CNTLN: variants seen among roughly 807,000 people sequenced by gnomAD.
CNTLN encodes the protein centlein, centrosomal protein.
Under a neutral mutation model 180.0 loss-of-function variants are expected in CNTLN, and 212 were observed. The observed-to-expected ratio is 1.18, with a 90% confidence interval of 1.05 to 1.32. The LOEUF (loss-of-function observed/expected upper bound fraction) is 1.32, where lower values mean the gene tolerates loss of function less well. Among genes scored for constraint, CNTLN ranks in the 40% most tolerant of loss-of-function variants. The pLI, the probability that CNTLN is intolerant of heterozygous loss-of-function variation, is 0.00. For synonymous variants in CNTLN, 722 were observed against 563.1 expected (o/e 1.28, Z -3.99); for missense variants, 2,095 against 1,610.9 (o/e 1.30, Z -5.14).
intron 5 of CNTLN, among the ~76,000 whole-genome samples, chr9:17,257,412 T>A (rs2132326551): frequency 6.6e-6 from 1 of 152,120 alleles, no homozygotes; most frequent in Admixed American, 6.6e-5. Flanking sequence ...GTCTTTGCTA[T>A]TGTGAATAAT....
At chr9:17,303,172 A>G (rs1357903723) in intron 7 of CNTLN, among the ~76,000 whole-genome samples, 1 of 152,190 alleles carries the variant, frequency 6.6e-6, no homozygotes, top group Non-Finnish European at 1.5e-5. Flanking sequence ...TCTTGGGTCC[A>G]GAATGCAATT....
chr9:17,153,672 C>T (rs979650882), intron 2 of CNTLN, among the ~76,000 whole-genome samples: 18 of 152,100 alleles, frequency 1.2e-4, no homozygotes, highest in African/African-American at 4.3e-4. Flanking sequence ...GTGGCATTCT[C>T]TCTATTTCCT....
chr9:17,367,005 C>CA (rs1051166440), intron 13 of CNTLN, among the ~76,000 whole-genome samples: 18 of 151,884 alleles, frequency 1.2e-4, no homozygotes, highest in East Asian at 1.9e-4. Flanking sequence ...CCTACACACA[C>CA]AAAAAAAACA....
intron 2 of CNTLN, among the ~76,000 whole-genome samples, chr9:17,149,669 C>T (rs1314627498): frequency 3.3e-5 from 5 of 151,920 alleles, no homozygotes; most frequent in Non-Finnish European, 5.9e-5. Context: ...AGGCGCCCGC[C>T]ACCATGCCTG....
At chr9:17,285,232 C>T (rs1483107782) in intron 6 of CNTLN, among the ~76,000 whole-genome samples, 1 of 146,698 alleles carries the variant, frequency 6.8e-6, no homozygotes, top group Non-Finnish European at 1.5e-5. Context: ...TCAATTCCCA[C>T]CTATGAGTGA....
At chr9:17,425,615 A>G (rs555835664) in intron 18 of CNTLN, among the ~76,000 whole-genome samples, 1 of 152,330 alleles carries the variant, frequency 6.6e-6, no homozygotes, top group Non-Finnish European at 1.5e-5. Flanking sequence ...GGTAATAGCT[A>G]GAAGATTTTT....
rs188229311 is a variant in CNTLN at position 17,294,402 on chromosome 9, G to T, written c.984-3788G>T. 2.1e-5 allele frequency among the ~76,000 whole-genome samples: 3 copies of T among 141,966 alleles called. No homozygotes were observed. The East Asian group carries it at 6.1e-4, about 29-fold the overall frequency. The allele number at this position is 141,966 out of a possible 152,430, so 93.1% of individuals were successfully genotyped here. A position where few individuals can be genotyped will look rare whatever the true frequency, so the allele number is the denominator to read the frequency against. ...GCTGATTGGTGCGTTTACAATCCCT[G>T]AGCTAGACACAAAAGTTCTCCAAGT... On this transcript the variant is annotated intron_variant, in intron 6 of 25. Coordinates refer to ENST00000380647, the MANE Select transcript of CNTLN (RefSeq NM_017738.4).
intron 18 of CNTLN, among the ~76,000 whole-genome samples, chr9:17,452,937 C>G (rs941382847): frequency 3.3e-5 from 5 of 151,926 alleles, no homozygotes; most frequent in African/African-American, 1.2e-4. Context: ...CTACAAAATG[C>G]AGATCTGGTA....
intron 2 of CNTLN, among the ~76,000 whole-genome samples, chr9:17,176,137 A>G (rs1009980906): frequency 3.9e-5 from 6 of 151,946 alleles, no homozygotes; most frequent in Non-Finnish European, 5.9e-5. Flanking sequence ...TTCCAGTACT[A>G]TGTTGAGTAA....
chr9:17,479,289 A>T lies in CNTLN; in HGVS notation c.3856-5006A>T, dbSNP rs189770676. On this transcript the variant is annotated intron_variant, in intron 23 of 25. Transcript: ENST00000380647. ...TCACAACAGCCAAGATGTAGAAACA[A>T]TCTAAATGTCCATCAAGAGATGAAT... Among the ~76,000 whole-genome samples, 217 of 152,348 alleles carry T rather than the reference A, an allele frequency of 1.4e-3. 1 individual carries two copies. In the Middle Eastern group the frequency reaches 0.024, roughly 17 times the overall value.
intron 8 of CNTLN, among the ~76,000 whole-genome samples, chr9:17,319,520 G>A (rs1352343364): frequency 6.6e-6 from 1 of 152,136 alleles, no homozygotes; most frequent in African/African-American, 2.4e-5. Context: ...GATTTTGGGG[G>A]TGTTATTTAC....
intron 2 of CNTLN, among the ~76,000 whole-genome samples, chr9:17,185,508 C>G (rs1821373363): frequency 6.6e-6 from 1 of 152,138 alleles, no homozygotes; most frequent in Admixed American, 6.5e-5. Context: ...TCTGTGATTG[C>G]TTTTAAATAT....
At chr9:17,353,599 T>A (rs1233560897) in intron 12 of CNTLN, among the ~76,000 whole-genome samples, 2 of 25,228 alleles carry the variant, frequency 7.9e-5, no homozygotes, top group African/African-American at 1.1e-4. Context: ...TTTGTTTTCG[T>A]TTTTTTTTTT....
chr9:17,449,730 G>A (rs950640187), intron 18 of CNTLN, among the ~76,000 whole-genome samples: 1 of 152,118 alleles, frequency 6.6e-6, no homozygotes, highest in African/African-American at 2.4e-5. Flanking sequence ...AAGTGATGTG[G>A]TTCAACAAAT....
intron 10 of CNTLN, among the ~76,000 whole-genome samples, chr9:17,335,647 A>G (rs932288399): frequency 5.9e-5 from 9 of 152,186 alleles, no homozygotes; most frequent in Non-Finnish European, 1.2e-4. Context: ...TCGTACACAG[A>G]AAGAGCCTTG....
In CNTLN at chr9:17,332,689, G is replaced by C. The variant is rs777191348; in HGVS notation, c.1603G>C (p.Glu535Gln). The C allele has an allele frequency of 1.7e-5, 27 of 1,606,054 alleles. No individual in the cohort carries two copies. The highest frequency in any genetic ancestry group is 2.1e-5 in the Non-Finnish European group (25 of 1,176,956). Reference sequence around the variant, plus strand: ...AGAGCTACAGAAGCTGAGAAAAGCTGAAAGAAAGATTGAAAACTTAGAGAA... The same window carrying C: ...AGAGCTACAGAAGCTGAGAAAAGCTCAAAGAAAGATTGAAAACTTAGAGAA... Reference protein sequence around the residue: ...SEELQKLRKAERKIENLEKAL... With the variant: ...SEELQKLRKAQRKIENLEKAL... The change falls in exon 10 of 26, where the codon GAA (glutamate) becomes CAA (glutamine). Residue 535 changes from glutamate (E) to glutamine (Q), a missense_variant. By Grantham distance (29) the Glu-to-Gln change is conservative. Coordinates refer to ENST00000380647, the MANE Select transcript of CNTLN (RefSeq NM_017738.4).
intron 5 of CNTLN, among the ~76,000 whole-genome samples, chr9:17,269,032 C>T (rs1225254488): frequency 6.6e-6 from 1 of 152,066 alleles, no homozygotes; most frequent in African/African-American, 2.4e-5. Context: ...GCACGGTGCG[C>T]TGCACCCACT....
intron 2 of CNTLN, among the ~76,000 whole-genome samples, chr9:17,149,329 G>A (rs1460099840): frequency 1.3e-5 from 2 of 151,872 alleles, no homozygotes; most frequent in East Asian, 1.9e-4. Context: ...TTGGGTACAT[G>A]CCTAGTAATG....
In CNTLN at chr9:17,155,259, G is replaced by A. The variant is rs185175287; in HGVS notation, c.449+11883G>A. 1.6e-3 allele frequency among the ~76,000 whole-genome samples: 242 copies of A among 152,332 alleles called. 1 individual carries two copies. Among genetic ancestry groups the A allele is most frequent in the Non-Finnish European group, 1.9e-3 (128 of 68,036 alleles). On this transcript the variant is annotated intron_variant, in intron 2 of 25. Transcript: ENST00000380647. ...AGTCAGCGAGACCAAGAACCCACTA[G>A]AAGGAACCAATTCCGGACACAGTAT...
Sources: allele counts gnomAD v4.1 joint callset (sites outside exome capture counted in the v4.1 genomes callset), GRCh38; gene constraint gnomAD v4.1.1; transcripts MANE v1.5; gene names NCBI Gene and HGNC (gene_info 2026-07-23, HGNC 2026-07-21).